Variants in SDK2 observed in about 807,000 individuals in gnomAD.
The protein encoded by SDK2 is protein sidekick-2.
In SDK2, 105 loss-of-function variants were observed where a neutral mutation model predicts 253.9. The observed-to-expected ratio is 0.41, with a 90% CI of 0.35 to 0.49. The LOEUF (loss-of-function observed/expected upper bound fraction) is 0.49. SDK2 is among the 20% of genes least tolerant of loss of function. The pLI is 0.06. For missense variants in SDK2, 2,608 were observed against 3,003.0 expected (o/e 0.87, Z 3.07); for synonymous variants, 1,249 against 1,234.9 (o/e 1.01, Z -0.24).
intron 29 of SDK2, among the ~76,000 whole-genome samples, chr17:73,388,841 CT>C (rs2062900275): frequency 8.2e-6 from 1 of 121,978 alleles, no homozygotes; most frequent in African/African-American, 3.0e-5. Context: ...TCCTTCCCCC[CT>C]CCTTTCCTTT....
rs1028796375 is a variant in SDK2, at chr17:73,361,153, T to G, written c.5467+531A>C. Among the ~76,000 whole-genome samples, 1 of 151,802 alleles carries G rather than the reference T, an allele frequency of 6.6e-6. No individual in the cohort carries two copies. The highest frequency in any genetic ancestry group is 2.4e-5 in the African/African-American group (1 of 41,314). ...CACTTTGTCACGGCCTCCAGGGGCTTTTGTCTAAGTGCAGACTGCCAGGTC... is the reference window on the plus strand; with the variant it reads ...CACTTTGTCACGGCCTCCAGGGGCTGTTGTCTAAGTGCAGACTGCCAGGTC... On this transcript the variant is annotated intron_variant, in intron 39 of 44. Transcript: ENST00000392650. This position sits in a 1 kb window ranked among gnomAD's most constrained non-coding sequence, Gnocchi z 4.1.
chr17:73,638,564 G>A (rs984788594), intron 1 of SDK2, among the ~76,000 whole-genome samples: 7 of 152,118 alleles, frequency 4.6e-5, no homozygotes, highest in African/African-American at 7.2e-5. Flanking sequence ...CAGGTTGGAG[G>A]CCTGGTAAAT....
chr17:73,435,388 G>A lies in SDK2; in HGVS notation c.1195+62C>T. On this transcript the variant is annotated intron_variant, in intron 9 of 44. Transcript: ENST00000392650. This position sits in a 1 kb window ranked among gnomAD's most constrained non-coding sequence, Gnocchi z 5.7. ...CACAAGAGGCCCCTCGGAAGACCTT[G>A]GAAGAAAGCTGCGTCCTGGGAAGAG... is the stretch of plus-strand genomic sequence containing the variant. 6.8e-7 allele frequency: 1 copy of A among 1,471,890 alleles called. No individual in the cohort carries two copies. Among genetic ancestry groups the A allele is most frequent in the Non-Finnish European group, 9.2e-7 (1 of 1,091,916 alleles). The allele number at this position is 1,471,890 out of a possible 1,614,324, so 91.2% of individuals were successfully genotyped here.
In SDK2 at chr17:73,479,977, G is replaced by A. The variant is rs138685974; in HGVS notation, c.225-7759C>T. 2.6e-5 allele frequency among the ~76,000 whole-genome samples: 4 copies of A among 152,364 alleles called. No individual in the cohort carries two copies. The East Asian group carries it at 7.7e-4, about 29-fold the overall frequency. Reference sequence around the variant, plus strand: ...CAAAGTGCTGGGATTACAGGCGTGAGCCACTGTACCTGACCTAAGTTTTAT... The same window carrying A: ...CAAAGTGCTGGGATTACAGGCGTGAACCACTGTACCTGACCTAAGTTTTAT... On this transcript the variant is annotated intron_variant, in intron 2 of 44. Coordinates refer to ENST00000392650, the MANE Select transcript of SDK2 (RefSeq NM_001144952.2).
At chr17:73,608,232 G>A (rs998080786) in intron 1 of SDK2, among the ~76,000 whole-genome samples, 6 of 152,008 alleles carry the variant, frequency 3.9e-5, no homozygotes, top group Admixed American at 2.0e-4. Context: ...TTTGTAGACT[G>A]TCCCTCCCTT....
chr17:73,564,803 G>C (rs2045287711), intron 1 of SDK2, among the ~76,000 whole-genome samples: 1 of 151,528 alleles, frequency 6.6e-6, no homozygotes, highest in African/African-American at 2.4e-5. Context: ...CCAGCTTGGG[G>C]GACAGAGAGA....
intron 19 of SDK2, 77 bp downstream of exon 19, chr17:73,401,869 G>A: frequency 7.2e-7 from 1 of 1,396,012 alleles, no homozygotes; most frequent in Non-Finnish European, 9.8e-7. Flanking sequence ...ACAAGCCTGG[G>A]CCACCCTTCT....
At position 73,395,948 on chromosome 17, in the gene SDK2, G is replaced by T. The variant is rs1599521844; in HGVS notation, c.3355-556C>A. On this transcript the variant is annotated intron_variant, in intron 24 of 44. Transcript: ENST00000392650. The surrounding 1 kb of genome is among the most constrained non-coding windows in gnomAD (Gnocchi z 4.3). Reference sequence around the variant, plus strand: ...TTTTTTTTTTTTAAGACAGGGTCTGGCTCTGTCTCTCAGGCTGCAGTGCCA... The same window carrying T: ...TTTTTTTTTTTTAAGACAGGGTCTGTCTCTGTCTCTCAGGCTGCAGTGCCA... Among the ~76,000 whole-genome samples, 1 of 151,674 alleles carries T rather than the reference G, an allele frequency of 6.6e-6. No individual in the cohort carries two copies. Among genetic ancestry groups the T allele is most frequent in the Non-Finnish European group, 1.5e-5 (1 of 67,954 alleles).
At chr17:73,522,534 C>T (rs1026962768) in intron 1 of SDK2, among the ~76,000 whole-genome samples, 1 of 152,232 alleles carries the variant, frequency 6.6e-6, no homozygotes, top group African/African-American at 2.4e-5. Context: ...GCTTTGAAAA[C>T]ACATAGCCCA....
At chr17:73,476,338 C>T (rs1308347859) in intron 2 of SDK2, among the ~76,000 whole-genome samples, 3 of 152,192 alleles carry the variant, frequency 2.0e-5, no homozygotes, top group Admixed American at 6.5e-5. Context: ...AAGACGGATA[C>T]TCCAGAATGT....
intron 4 of SDK2, among the ~76,000 whole-genome samples, chr17:73,448,280 T>C (rs900278296): frequency 3.9e-5 from 6 of 152,228 alleles, no homozygotes; most frequent in Admixed American, 6.5e-5. Context: ...CTGTTCAGGA[T>C]TGATGGACTC....
At position 73,504,864 on chromosome 17, in the gene SDK2, C is replaced by G. The variant is rs145498162; in HGVS notation, c.224+2574G>C. ...GTGGCAGGAGGTGAGACTATGCCAG[C>G]AGGAGCAGATCAGGAAGAGTTCTAA... On this transcript the variant is annotated intron_variant, in intron 2 of 44. Coordinates refer to ENST00000392650, the MANE Select transcript of SDK2 (RefSeq NM_001144952.2). Among the ~76,000 whole-genome samples, 86 of 152,180 alleles carry G rather than the reference C, an allele frequency of 5.7e-4. 2 individuals carry two copies. In the East Asian group the frequency reaches 0.015, roughly 27 times the overall value.
intron 1 of SDK2, among the ~76,000 whole-genome samples, chr17:73,532,023 T>C (rs1203219624): frequency 5.3e-5 from 8 of 152,132 alleles, no homozygotes; most frequent in Admixed American, 5.2e-4. Context: ...CATTCGTCTC[T>C]CTCTAGAGAC....
intron 44 of SDK2, among the ~76,000 whole-genome samples, chr17:73,339,549 T>A (rs1056435913): frequency 6.6e-6 from 1 of 152,002 alleles, no homozygotes; most frequent in African/African-American, 2.4e-5. Flanking sequence ...TTTTTATTCT[T>A]TTTTTTGGGG....
chr17:73,379,479 G>A lies in SDK2; in HGVS notation c.4833C>T (p.Ser1611=), dbSNP rs145852009. ...VYNAVGEGPS[S]PPQEVFVGEA... is the part of the protein sequence containing the mutation. ...CCCCAACAAAGACCTCCTGCGGGGG[G>A]CTGGAGGGCCCCTCACCCACAGCGT... The change falls in exon 35 of 45, where the codon AGC becomes AGT. Residue 1611 remains serine, a synonymous_variant. Transcript: ENST00000392650. The surrounding 1 kb of genome is among the most constrained non-coding windows in gnomAD (Gnocchi z 4.5). 969 of 1,611,486 alleles carry A rather than the reference G, an allele frequency of 6.0e-4. 1 individual carries two copies. Among genetic ancestry groups the A allele is most frequent in the Non-Finnish European group, 7.7e-4 (905 of 1,178,636 alleles).
intron 2 of SDK2, among the ~76,000 whole-genome samples, chr17:73,488,676 A>T (rs985283482): frequency 6.0e-5 from 9 of 150,710 alleles, no homozygotes; most frequent in African/African-American, 2.2e-4. Context: ...TCTGACACCC[A>T]CTTCCGCAAG....
At chr17:73,630,736 T>G (rs1436820384) in intron 1 of SDK2, among the ~76,000 whole-genome samples, 2 of 152,102 alleles carry the variant, frequency 1.3e-5, no homozygotes, top group Non-Finnish European at 2.9e-5. Flanking sequence ...CAATGGGCCT[T>G]GTGTTCGTCC....
intron 44 of SDK2, among the ~76,000 whole-genome samples, chr17:73,345,849 G>T (rs980821478): frequency 6.6e-6 from 1 of 152,078 alleles, no homozygotes; most frequent in Non-Finnish European, 1.5e-5. Flanking sequence ...ATCCTTCCTG[G>T]CTTCTACTGA....
At chr17:73,493,392 G>T (rs1035668022) in intron 2 of SDK2, among the ~76,000 whole-genome samples, 1 of 152,182 alleles carries the variant, frequency 6.6e-6, no homozygotes, top group Non-Finnish European at 1.5e-5. Flanking sequence ...GAGTCTGGGC[G>T]GATGTGGCCA....
Sources: allele counts gnomAD v4.1 joint callset (sites outside exome capture counted in the v4.1 genomes callset), GRCh38; gene constraint gnomAD v4.1.1; non-coding constraint Gnocchi (gnomAD v3.1); transcripts MANE v1.5; gene names NCBI Gene and HGNC (gene_info 2026-07-23, HGNC 2026-07-21).